The following CD5 variants were observed in gnomAD, a reference collection of about 807,000 sequenced individuals.
CD5 encodes the protein CD5 molecule, also known as T-cell surface glycoprotein CD5.
A neutral mutation model predicts 60.3 loss-of-function variants in CD5; 36 were observed. The observed-to-expected ratio is 0.60, with a 90% CI of 0.46 to 0.79. CD5 has a LOEUF of 0.79. Ranked by LOEUF, CD5 falls within the 30% of genes least tolerant of loss-of-function variation. CD5 has a pLI of 0.00. For synonymous variants in CD5, 230 were observed against 257.6 expected (o/e 0.89, Z 1.03); for missense variants, 540 against 630.6 (o/e 0.86, Z 1.54).
chr11:61,109,054 G>A (rs956733660), intron 1 of CD5, among the ~76,000 whole-genome samples: 1 of 152,212 alleles, frequency 6.6e-6, no homozygotes, highest in Non-Finnish European at 1.5e-5. Flanking sequence ...CAGGAGTGCA[G>A]GTTACAAAGC....
upstream of CD5, chr11:61,102,276 T>C: frequency 2.0e-6 from 1 of 502,714 alleles, no homozygotes; most frequent in Non-Finnish European, 3.6e-6. Flanking sequence ...CCTTGTCCTG[T>C]GTGGGGGTGG....
At chr11:61,123,334 A>G (rs1472384061) in intron 7 of CD5, among the ~76,000 whole-genome samples, 1 of 152,130 alleles carries the variant, frequency 6.6e-6, no homozygotes, top group Non-Finnish European at 1.5e-5. Context: ...GAGGGTGTTC[A>G]GTACAGCCTC....
At chr11:61,109,888 G>A (rs1481435157) in intron 1 of CD5, among the ~76,000 whole-genome samples, 2 of 152,172 alleles carry the variant, frequency 1.3e-5, no homozygotes, top group African/African-American at 2.4e-5. Context: ...CCAGTTGCTC[G>A]GGGTGAGGGG....
chr11:61,119,158 G>A (rs1448265922), intron 4 of CD5, 76 bp from the exon 5 acceptor site: 14 of 1,397,116 alleles, frequency 1.0e-5, no homozygotes, highest in Non-Finnish European at 1.4e-5. Flanking sequence ...CCACAAGTTG[G>A]GGCCAAACAG....
chr11:61,122,633 C>A (rs956495730), intron 6 of CD5, among the ~76,000 whole-genome samples: 1 of 152,058 alleles, frequency 6.6e-6, no homozygotes, highest in African/African-American at 2.4e-5. Context: ...TAATAACTGG[C>A]AAATGGTAGA....
intron 1 of CD5, among the ~76,000 whole-genome samples, chr11:61,114,770 T>C (rs995659977): frequency 1.3e-5 from 2 of 152,204 alleles, no homozygotes; most frequent in Non-Finnish European, 2.9e-5. Context: ...TCTATATATG[T>C]GACATTCACG....
chr11:61,101,030 ACAT>A (rs373553387), upstream of CD5, among the ~76,000 whole-genome samples: 1,505 of 122,896 alleles, frequency 0.012, 109 homozygotes, highest in South Asian at 0.038. Flanking sequence ...TCACACACAC[ACAT>A]CAACATGGAG....
chr11:61,098,516 G>C (rs1361156390), upstream of CD5, among the ~76,000 whole-genome samples: 1 of 152,222 alleles, frequency 6.6e-6, no homozygotes, highest in African/African-American at 2.4e-5. Flanking sequence ...GGTAGTTAAA[G>C]ATCGACCCCT....
chr11:61,119,468 T>G lies in CD5; in HGVS notation c.698T>G (p.Leu233Trp). 6.2e-7 allele frequency: 1 copy of G among 1,614,166 alleles called. No homozygotes were observed. The highest frequency in any genetic ancestry group is 1.3e-5 in the African/African-American group (1 of 75,028). ...DPGEPREHQPLPIQWKIQNSS... is the reference protein window; with the variant it reads ...DPGEPREHQPWPIQWKIQNSS... ...GGGGAGCCACGGGAACACCAGCCCT[T>G]GCCAATCCAATGGAAGATCCAGAAC... Residue 233 changes from leucine to tryptophan, a missense_variant, in exon 5 of 11, where the codon TTG becomes TGG. Physicochemically the swap from Leu to Trp is moderately conservative, Grantham distance 61 (BLOSUM62 -2). Coordinates refer to ENST00000347785, the MANE Select transcript of CD5 (RefSeq NM_014207.4).
chr11:61,118,232 A>T lies in CD5; in HGVS notation c.152A>T (p.Tyr51Phe), dbSNP rs369225298. ...NSKCQGQLEV[Y>F]LKDGWHMVCS... is the part of the protein sequence containing the mutation. ...AAGTGCCAGGGCCAGCTGGAGGTCT[A>T]CCTCAAGGACGGATGGCACATGGTT... The change falls in exon 3 of 11, where the codon TAC becomes TTC. Residue 51 changes from tyrosine to phenylalanine, a missense_variant. Physicochemically the swap from Tyr to Phe is conservative, Grantham distance 22. Coordinates refer to ENST00000347785, the MANE Select transcript of CD5 (RefSeq NM_014207.4). This position sits in a 1 kb window ranked among gnomAD's most constrained non-coding sequence, Gnocchi z 4.7. 3.0e-5 allele frequency: 49 copies of T among 1,614,072 alleles called. No homozygotes were observed. Among genetic ancestry groups the T allele is most frequent in the Non-Finnish European group, 4.2e-5 (49 of 1,180,028 alleles).
chr11:61,109,754 C>T (rs1421923983), intron 1 of CD5, among the ~76,000 whole-genome samples: 5 of 152,034 alleles, frequency 3.3e-5, no homozygotes, highest in African/African-American at 7.2e-5. Flanking sequence ...TGTGATAAGC[C>T]GTCTGACTTC....
At chr11:61,109,167 T>C (rs1456919215) in intron 1 of CD5, among the ~76,000 whole-genome samples, 1 of 152,246 alleles carries the variant, frequency 6.6e-6, no homozygotes, top group East Asian at 1.9e-4. Flanking sequence ...AGTCAACAAA[T>C]ATTCATCTGT....
chr11:61,116,432 CCA>C (rs538360624), intron 2 of CD5, among the ~76,000 whole-genome samples: 10 of 142,998 alleles, frequency 7.0e-5, no homozygotes, highest in Non-Finnish European at 1.5e-4. Flanking sequence ...CACAACCACA[CCA>C]CACACACACA....
intron 1 of CD5, among the ~76,000 whole-genome samples, chr11:61,113,314 A>G (rs1481766954): frequency 2.0e-5 from 3 of 152,192 alleles, no homozygotes; most frequent in Non-Finnish European, 4.4e-5. Context: ...TCCCCACCCA[A>G]ATTAAACCTC....
upstream of CD5, chr11:61,102,463 A>ACC: frequency 4.1e-6 from 1 of 246,426 alleles, no homozygotes; most frequent in Non-Finnish European, 8.0e-6. Flanking sequence ...TGAGCACGCC[A>ACC]CCCCGCCCTC....
At chr11:61,106,596 T>C (rs189367134) in intron 1 of CD5, among the ~76,000 whole-genome samples, 44 of 152,340 alleles carry the variant, frequency 2.9e-4, no homozygotes, top group African/African-American at 9.9e-4. Context: ...CAGAGGGGTT[T>C]TCCCTGCAGT....
rs200159828 is a variant in CD5, at chr11:61,118,885, T to C, written c.401-30T>C. On this transcript the variant is annotated intron_variant, in intron 3 of 10. Coordinates refer to ENST00000347785, the MANE Select transcript of CD5 (RefSeq NM_014207.4). The surrounding 1 kb of genome is among the most constrained non-coding windows in gnomAD (Gnocchi z 4.7). ...CCCCCGGCCCTCCCCACACCACCCA[T>C]TCCTCCCTCACCAGAGTGTCTCATT... The C allele has an allele frequency of 1.7e-5, 27 of 1,586,352 alleles. No individual in the cohort carries two copies. In the East Asian group the frequency reaches 5.6e-4, roughly 33 times the overall value.
chr11:61,118,232 A>G lies in CD5; in HGVS notation c.152A>G (p.Tyr51Cys). The G allele has an allele frequency of 1.2e-6, 2 of 1,614,190 alleles. No individual in the cohort carries two copies. The highest frequency in any genetic ancestry group is 1.7e-6 in the Non-Finnish European group (2 of 1,180,020). Residue 51 changes from tyrosine (Y) to cysteine (C), a missense_variant, in exon 3 of 11, where the codon TAC becomes TGC. Physicochemically the swap from Tyr to Cys is radical, Grantham distance 194. Coordinates refer to ENST00000347785, the MANE Select transcript of CD5 (RefSeq NM_014207.4). The surrounding 1 kb of genome is among the most constrained non-coding windows in gnomAD (Gnocchi z 4.7). ...NSKCQGQLEV[Y>C]LKDGWHMVCS... ...AAGTGCCAGGGCCAGCTGGAGGTCT[A>G]CCTCAAGGACGGATGGCACATGGTT... is the stretch of plus-strand genomic sequence containing the variant.
chr11:61,121,833 C>T lies in CD5; in HGVS notation c.1028C>T (p.Pro343Leu). 6.3e-7 allele frequency: 1 copy of T among 1,598,534 alleles called. No individual in the cohort carries two copies. Among genetic ancestry groups the T allele is most frequent in the Non-Finnish European group, 8.6e-7 (1 of 1,169,054 alleles). ...GDPTSRGLFCPHQKLSQCHEL... is the reference protein window; with the variant it reads ...GDPTSRGLFCLHQKLSQCHEL... ...CCAACATCCCGGGGGCTCTTCTGTC[C>T]CCATCAGAAGCTGTCCCAGTGCCAC... Residue 343 changes from proline (P) to leucine (L), a missense_variant, in exon 6 of 11, where the codon CCC becomes CTC. Coordinates refer to ENST00000347785, the MANE Select transcript of CD5 (RefSeq NM_014207.4).
Sources: gnomAD v4.1 joint callset for allele counts (sites outside exome capture counted in the v4.1 genomes callset) on GRCh38, gnomAD v4.1.1 for gene constraint, Gnocchi (gnomAD v3.1) non-coding constraint, MANE v1.5 for transcripts, NCBI Gene and HGNC (gene_info 2026-07-23, HGNC 2026-07-21) for gene names.